POLQ: variants seen among roughly 807,000 people sequenced by gnomAD.
POLQ encodes the protein DNA polymerase theta, also known as epididymis secretory sperm binding protein.
POLQ carries 233 observed loss-of-function variants against 259.2 expected under a neutral mutation model. That is an observed-to-expected ratio of 0.90 (90% CI 0.81 to 1.00). The LOEUF is 1.00. POLQ is among the 50% of genes least tolerant of loss of function. The pLI is 0.00. For synonymous variants in POLQ, 1,025 were observed against 1,048.8 expected (o/e 0.98, Z 0.44); for missense variants, 2,871 against 3,051.6 (o/e 0.94, Z 1.39).
At chr3:121,526,007 T>C (rs1216113777) in intron 7 of POLQ, among the ~76,000 whole-genome samples, 2 of 152,210 alleles carry the variant, frequency 1.3e-5, no homozygotes, top group Non-Finnish European at 2.9e-5. Context: ...CAAGGTTCTA[T>C]CGGGGTTCTC....
At chr3:121,437,138 G>C (rs2047550545) in intron 27 of POLQ, among the ~76,000 whole-genome samples, 1 of 152,082 alleles carries the variant, frequency 6.6e-6, no homozygotes. Context: ...GGAGGCTAAG[G>C]CAAGATGATC....
chr3:121,545,028 G>C (rs933377509), intron 1 of POLQ, 122 bp from the exon 2 acceptor site: 3 of 590,890 alleles, frequency 5.1e-6, no homozygotes, highest in Admixed American at 3.3e-5. Flanking sequence ...AGCACATCCT[G>C]ACTTCAAGAA....
chr3:121,488,423 TG>T lies in POLQ; in HGVS notation c.4507del (p.Gln1503AsnfsTer7). 2 of 1,613,100 alleles carry T rather than the reference TG, an allele frequency of 1.2e-6. No homozygotes were observed. The highest frequency in any genetic ancestry group is 1.7e-6 in the Non-Finnish European group (2 of 1,179,404). ...SFSDDYLVKE[Q>X]LPDMQMKEPL... ...TTCTTTCATTTGCATATCAGGTAATTGTTCTTTTACTAGATAGTCATCACTG... is the reference window on the plus strand; with the variant it reads ...TTCTTTCATTTGCATATCAGGTAATTTTCTTTTACTAGATAGTCATCACTG... On this transcript the variant is annotated frameshift_variant, in exon 16 of 30. Transcript: ENST00000264233. LOFTEE classifies it high-confidence loss of function.
chr3:121,487,639 A>G lies in POLQ; in HGVS notation c.5292T>C (p.Asn1764=). Residue 1764 remains asparagine (N), a synonymous_variant, in exon 16 of 30, where the codon AAT becomes AAC. Coordinates refer to ENST00000264233, the MANE Select transcript of POLQ (RefSeq NM_199420.4). The part of the protein sequence containing the change: ...ETPVNPWKTN[N]VLQPGESYLF... ...AATAACTTTCACCAGGTTGTAAAAC[A>G]TTATTAGTTTTCCAAGGGTTTACAG... is the stretch of plus-strand genomic sequence containing the variant. 6.2e-7 allele frequency: 1 copy of G among 1,613,636 alleles called. No individual in the cohort carries two copies. The highest frequency in any genetic ancestry group is 8.5e-7 in the Non-Finnish European group (1 of 1,179,620).
chr3:121,469,229 A>C (rs2047864222), intron 22 of POLQ, among the ~76,000 whole-genome samples: 1 of 152,044 alleles, frequency 6.6e-6, no homozygotes, highest in African/African-American at 2.4e-5. Context: ...TTATTTCCAA[A>C]TATATTTTAC....
At chr3:121,504,084 T>A (rs1203987645) in intron 12 of POLQ, among the ~76,000 whole-genome samples, 1 of 152,136 alleles carries the variant, frequency 6.6e-6, no homozygotes, top group Non-Finnish European at 1.5e-5. Flanking sequence ...GCCAGGCTGG[T>A]CTCGAACACC....
At chr3:121,468,640 TG>T (rs1392976041) in intron 22 of POLQ, among the ~76,000 whole-genome samples, 1 of 152,184 alleles carries the variant, frequency 6.6e-6, no homozygotes, top group Non-Finnish European at 1.5e-5. Context: ...ATGTATGAAT[TG>T]GCTACACTAC....
At chr3:121,516,718 T>A (rs780552571) in intron 9 of POLQ, among the ~76,000 whole-genome samples, 1 of 152,226 alleles carries the variant, frequency 6.6e-6, no homozygotes, top group Non-Finnish European at 1.5e-5. Flanking sequence ...TAAAACACCA[T>A]GTGCTGTCCA....
In POLQ at chr3:121,487,877, A is replaced by C; in HGVS notation, c.5054T>G (p.Leu1685Trp). 6.2e-7 allele frequency: 1 copy of C among 1,610,398 alleles called. No homozygotes were observed. The highest frequency in any genetic ancestry group is 8.5e-7 in the Non-Finnish European group (1 of 1,178,664). ...AATTCCCTGCACTTGTTTTGTCTCC[A>C]AGTTTGAAATAACTTCTTGTTCTTC... is the stretch of plus-strand genomic sequence containing the variant. Reference protein sequence around the residue: ...LNEEQEVISNLETKQVQGISF... With the variant: ...LNEEQEVISNWETKQVQGISF... The change falls in exon 16 of 30, where the codon TTG becomes TGG. Residue 1685 changes from leucine to tryptophan, a missense_variant. Physicochemically the swap from Leu to Trp is moderately conservative, Grantham distance 61 (BLOSUM62 -2). Around this residue, in one of 3 missense-constraint regions of POLQ, gnomAD observed 2,080 missense variants for 2,126.0 expected, o/e 0.98. Transcript: ENST00000264233.
At chr3:121,450,571 C>G (rs945792632) in intron 25 of POLQ, among the ~76,000 whole-genome samples, 1 of 148,622 alleles carries the variant, frequency 6.7e-6, no homozygotes, top group South Asian at 2.2e-4. Context: ...GTCCTGTGTC[C>G]AAGTGTTCTC....
intron 7 of POLQ, among the ~76,000 whole-genome samples, chr3:121,528,430 G>C (rs1019963544): frequency 3.3e-5 from 5 of 150,306 alleles, no homozygotes; most frequent in Non-Finnish European, 5.9e-5. Context: ...TGCAACCTCT[G>C]CCTCCCGGGT....
At chr3:121,483,662 T>C (rs1372111833) in intron 17 of POLQ, 80 bp from the exon 18 acceptor site, 26 of 1,090,108 alleles carry the variant, frequency 2.4e-5, no homozygotes, top group Non-Finnish European at 3.2e-5. Context: ...CAATCTTTAG[T>C]AGAAAGACTG....
At chr3:121,483,623 C>CA in intron 17 of POLQ, 41 bp from the exon 18 acceptor site, 1 of 1,397,144 alleles carries the variant, frequency 7.2e-7, no homozygotes, top group Non-Finnish European at 9.6e-7. Flanking sequence ...ATTTTTAAGG[C>CA]AAAAATTACA....
intron 14 of POLQ, 45 bp from the exon 15 acceptor site, chr3:121,493,766 G>C (rs375544396): frequency 2.6e-6 from 4 of 1,539,800 alleles, no homozygotes; most frequent in Non-Finnish European, 3.6e-6. Flanking sequence ...TTTTTTTACA[G>C]ACGAATTCTC....
Position 121,510,250 on chromosome 3 carries a change from G to A in POLQ, c.1612-7C>T. The A allele has an allele frequency of 6.3e-7, 1 of 1,598,996 alleles. No homozygotes were observed. Among genetic ancestry groups the A allele is most frequent in the Non-Finnish European group, 8.6e-7 (1 of 1,167,210 alleles). ...CCACTCCACCAACTATTATCTGAAA[G>A]AAGATATTTGGAAATTTCTGTAGCT... On this transcript the variant is annotated splice_region_variant and splice_polypyrimidine_tract_variant and intron_variant, in intron 10 of 29. Coordinates refer to ENST00000264233, the MANE Select transcript of POLQ (RefSeq NM_199420.4).
chr3:121,485,411 T>C (rs1355324239), intron 16 of POLQ, among the ~76,000 whole-genome samples: 1 of 152,162 alleles, frequency 6.6e-6, no homozygotes, highest in Non-Finnish European at 1.5e-5. Flanking sequence ...TTAAAATAAA[T>C]CTATAATGAT....
Position 121,545,912 on chromosome 3 carries a change from A to G in POLQ, c.-35T>C, listed in dbSNP as rs556584926. On this transcript the variant is annotated 5_prime_UTR_variant, in exon 1 of 30. Transcript: ENST00000264233. ...TTCTCGGCCGATCAGGGCAAGCCAC[A>G]GTCCCAGCGTCCTCCCTCTCGGGAG... is the stretch of plus-strand genomic sequence containing the variant. 2 of 1,612,190 alleles carry G rather than the reference A, an allele frequency of 1.2e-6. No individual in the cohort carries two copies. The highest frequency in any genetic ancestry group is 2.7e-5 in the African/African-American group (2 of 75,048).
Position 121,487,908 on chromosome 3 carries a change from ACT to A in POLQ, c.5021_5022del (p.Glu1674ValfsTer3). The stretch of plus-strand genomic sequence containing the variant: ...GAAATAACTTCTTGTTCTTCATTTA[ACT>A]CTGTATTTTTTCTATTCAAACTGGA... ...NFSSLNRKNT[E>X]LNEEQEVISN... is the part of the protein sequence containing the mutation. On this transcript the variant is annotated frameshift_variant, in exon 16 of 30. Coordinates refer to ENST00000264233, the MANE Select transcript of POLQ (RefSeq NM_199420.4). LOFTEE classifies it high-confidence loss of function. 6.2e-7 allele frequency: 1 copy of A among 1,605,856 alleles called. No homozygotes were observed. The highest frequency in any genetic ancestry group is 8.5e-7 in the Non-Finnish European group (1 of 1,176,732).
At chr3:121,433,745 C>A (rs2047520818) in intron 28 of POLQ, among the ~76,000 whole-genome samples, 1 of 152,184 alleles carries the variant, frequency 6.6e-6, no homozygotes. Flanking sequence ...AAAGATAAAG[C>A]TCAACATGAA....
Sources: gnomAD v4.1 joint callset for allele counts (sites outside exome capture counted in the v4.1 genomes callset) on GRCh38, gnomAD v4.1.1 for gene constraint, gnomAD v4.1.1 regional missense constraint, MANE v1.5 for transcripts, NCBI Gene and HGNC (gene_info 2026-07-23, HGNC 2026-07-21) for gene names.